CNTN1: variants seen among roughly 807,000 people sequenced by gnomAD.
The protein encoded by CNTN1 is contactin-1.
CNTN1 carries 38 observed loss-of-function variants against 126.4 expected under a neutral mutation model. The observed-to-expected ratio is 0.30, with a 90% CI of 0.23 to 0.39. CNTN1 has a LOEUF of 0.39. Among genes scored for constraint, CNTN1 ranks in the 10% least tolerant of loss-of-function variants. The pLI is 1.00. For synonymous variants in CNTN1, 413 were observed against 422.6 expected (o/e 0.98, Z 0.28); for missense variants, 1,009 against 1,248.4 (o/e 0.81, Z 2.89).
At chr12:40,761,440 A>G (rs1938862669) in intron 1 of CNTN1, among the ~76,000 whole-genome samples, 2 of 152,076 alleles carry the variant, frequency 1.3e-5, no homozygotes, top group Non-Finnish European at 2.9e-5. Context: ...TTTTCTTGAA[A>G]AGTTTTAGTA....
intron 17 of CNTN1, among the ~76,000 whole-genome samples, chr12:40,996,122 A>G (rs1948207528): frequency 6.7e-6 from 1 of 150,276 alleles, no homozygotes; most frequent in African/African-American, 2.4e-5. Context: ...GAGGCACATT[A>G]CTTAACCTCT....
chr12:41,055,490 G>A (rs2121060715), intron 23 of CNTN1, among the ~76,000 whole-genome samples: 1 of 151,970 alleles, frequency 6.6e-6, no homozygotes, highest in South Asian at 2.1e-4. Flanking sequence ...CATATCTTTG[G>A]CATTCTAAGT....
chr12:40,996,614 C>G (rs896386112), intron 17 of CNTN1, among the ~76,000 whole-genome samples: 1 of 152,112 alleles, frequency 6.6e-6, no homozygotes, highest in Non-Finnish European at 1.5e-5. Context: ...AATATGGTCT[C>G]CTGTCTACTT....
intron 1 of CNTN1, among the ~76,000 whole-genome samples, chr12:40,799,363 A>G (rs1316060354): frequency 6.6e-6 from 1 of 151,902 alleles, no homozygotes; most frequent in African/African-American, 2.4e-5. Context: ...AAGTCAGAGT[A>G]TACAAAGGGT....
intron 22 of CNTN1, 120 bp downstream of exon 22, chr12:41,028,089 T>C: frequency 2.8e-6 from 2 of 709,130 alleles, no homozygotes; most frequent in Admixed American, 4.1e-5. Flanking sequence ...CGGAGTGCAG[T>C]GGTACAATCT....
chr12:40,751,557 G>T (rs1180033328), intron 1 of CNTN1, among the ~76,000 whole-genome samples: 4 of 152,062 alleles, frequency 2.6e-5, no homozygotes. Flanking sequence ...AATTCACAAA[G>T]TGTTTAGATT....
intron 15 of CNTN1, among the ~76,000 whole-genome samples, chr12:40,974,703 G>A (rs1947623925): frequency 6.6e-6 from 1 of 152,026 alleles, no homozygotes; most frequent in Non-Finnish European, 1.5e-5. Flanking sequence ...TTTACTTGCT[G>A]GGTGAACGTG....
chr12:40,739,015 A>C (rs953270435), intron 1 of CNTN1, among the ~76,000 whole-genome samples: 33 of 152,148 alleles, frequency 2.2e-4, no homozygotes, highest in African/African-American at 7.9e-4. Flanking sequence ...GGTGCACATG[A>C]CAGTCATACC....
Position 40,911,144 on chromosome 12 carries a change from G to A in CNTN1, c.94+1039G>A, listed in dbSNP as rs562882686. Among the ~76,000 whole-genome samples, 365 of 151,908 alleles carry A rather than the reference G, an allele frequency of 2.4e-3. 2 individuals are homozygous for A. Among genetic ancestry groups the A allele is most frequent in the African/African-American group, 8.1e-3 (336 of 41,516 alleles). On this transcript the variant is annotated intron_variant, in intron 3 of 23. Coordinates refer to ENST00000551295, the MANE Select transcript of CNTN1 (RefSeq NM_001843.4). ...CACCCAGGCTGGAGTGCAGCGGCGC[G>A]ATCTCGGCTCACTGCAAGCTCCACC...
In CNTN1 at chr12:41,070,228, C is replaced by A; in HGVS notation, c.*193C>A. On this transcript the variant is annotated 3_prime_UTR_variant, in exon 24 of 24. Transcript: ENST00000551295. ...GAACCCCTTCATCCAAAAGAATAAA[C>A]TTTTAAATGGATATAAATGATTTTT... 1.6e-6 allele frequency: 1 copy of A among 619,122 alleles called. No individual in the cohort carries two copies. The allele number at this position is 619,122 out of a possible 1,614,324, so 38.4% of individuals were successfully genotyped here. A position where few individuals can be genotyped will look rare whatever the true frequency, so the allele number is the denominator to read the frequency against.
intron 7 of CNTN1, 21 bp downstream of exon 7, chr12:40,930,023 ACT>A: frequency 6.3e-7 from 1 of 1,576,040 alleles, no homozygotes; most frequent in Non-Finnish European, 8.7e-7. Flanking sequence ...TATTTGTTAC[ACT>A]CTGTTTTCGC....
chr12:40,938,373 A>G (rs6582087), intron 11 of CNTN1, among the ~76,000 whole-genome samples: 103,965 of 152,016 alleles, frequency 0.68, 36,088 homozygotes, highest in African/African-American at 0.81. Context: ...TTATAGATAG[A>G]TCCTGAAAGC....
chr12:40,908,574 G>A, intron 2 of CNTN1, 81 bp downstream of exon 2: 1 of 1,050,772 alleles, frequency 9.5e-7, no homozygotes, highest in South Asian at 1.4e-5. Flanking sequence ...ATTGTATGAA[G>A]TAAAAATTCT....
At chr12:40,706,124 A>ATTTTTTTTTTTTTTTTTTTT (rs1297562578) in intron 1 of CNTN1, among the ~76,000 whole-genome samples, 1 of 151,298 alleles carries the variant, frequency 6.6e-6, no homozygotes, top group African/African-American at 2.4e-5. Context: ...ATATATAGAT[A>ATTTTTTTTTTTTTTTTTTTT]TTTTTATTAT....
intron 1 of CNTN1, among the ~76,000 whole-genome samples, chr12:40,886,324 G>A (rs1205417673): frequency 6.6e-6 from 1 of 152,048 alleles, no homozygotes; most frequent in Non-Finnish European, 1.5e-5. Flanking sequence ...CTATTCCCAT[G>A]GACTTAACAT....
chr12:40,726,387 C>T (rs1285746673), intron 1 of CNTN1, among the ~76,000 whole-genome samples: 1 of 152,126 alleles, frequency 6.6e-6, no homozygotes, highest in Non-Finnish European at 1.5e-5. Flanking sequence ...CACAGTTCTG[C>T]ATGGCTGGCA....
intron 17 of CNTN1, among the ~76,000 whole-genome samples, chr12:41,008,823 A>G (rs766736203): frequency 7.9e-5 from 12 of 152,238 alleles, no homozygotes; most frequent in Non-Finnish European, 1.6e-4. Flanking sequence ...CCCTTCTTAT[A>G]TAAAATCTCT....
At chr12:40,848,612 T>C (rs1942603172) in intron 1 of CNTN1, among the ~76,000 whole-genome samples, 1 of 152,266 alleles carries the variant, frequency 6.6e-6, no homozygotes, top group East Asian at 1.9e-4. Flanking sequence ...TAAAACGATA[T>C]AGATGTAATA....
rs568757084 is a variant in CNTN1, at chr12:40,726,101, G to A, written c.-77+33509G>A. 2.6e-5 allele frequency among the ~76,000 whole-genome samples: 4 copies of A among 152,072 alleles called. No individual in the cohort carries two copies. The South Asian group carries it at 8.3e-4, about 32-fold the overall frequency. On this transcript the variant is annotated intron_variant, in intron 1 of 23. Coordinates refer to ENST00000551295, the MANE Select transcript of CNTN1 (RefSeq NM_001843.4). ...AAACCTTTGTTTAATGACTAGGGAGGGGGAAAGAATGTGGCAAACAGAAGA... is the reference window on the plus strand; with the variant it reads ...AAACCTTTGTTTAATGACTAGGGAGAGGGAAAGAATGTGGCAAACAGAAGA...
Sources: allele counts gnomAD v4.1 joint callset (sites outside exome capture counted in the v4.1 genomes callset), GRCh38; gene constraint gnomAD v4.1.1; transcripts MANE v1.5; gene names NCBI Gene and HGNC (gene_info 2026-07-23, HGNC 2026-07-21).